Variants in BTN2A1 observed in about 807,000 individuals in gnomAD.
The protein encoded by BTN2A1 is butyrophilin, subfamily 2, member A1.
BTN2A1 carries 41 observed loss-of-function variants against 34.5 expected under a neutral mutation model. That is an observed-to-expected ratio of 1.19 (90% CI 0.93 to 1.54). BTN2A1 has a LOEUF of 1.54. Among genes scored for constraint, BTN2A1 ranks in the 40% most tolerant of loss-of-function variants. BTN2A1 has a pLI of 0.00. For missense variants in BTN2A1, 642 were observed against 662.0 expected, an observed-to-expected ratio of 0.97 and a Z score of 0.33; for synonymous variants, 267 against 258.6, an observed-to-expected ratio of 1.03 and a Z score of -0.31.
At chr6:26,476,103 G>A in intron 7 of BTN2A1, 1 of 1,534,054 alleles carries the variant, frequency 6.5e-7, no homozygotes, top group Non-Finnish European at 8.7e-7. Context: ...CTTCTCCTAT[G>A]TCTCCTTTTG....
chr6:26,458,461 C>T (rs1270692031), intron 1 of BTN2A1, 146 bp from the exon 2 acceptor site: 1 of 661,656 alleles, frequency 1.5e-6, no homozygotes, highest in African/African-American at 1.8e-5. Context: ...AGGAATCCCT[C>T]TCTCGGGACA....
At chr6:26,470,768 G>C (rs534478833), downstream of BTN2A1, among the ~76,000 whole-genome samples, 1 of 152,190 alleles carries the variant, frequency 6.6e-6, no homozygotes, top group Non-Finnish European at 1.5e-5. Context: ...TATACCAGTG[G>C]CCCTGAGGTT....
chr6:26,460,230 TC>T (rs1763130359), intron 3 of BTN2A1, among the ~76,000 whole-genome samples: 2 of 152,186 alleles, frequency 1.3e-5, no homozygotes, highest in South Asian at 4.2e-4. Flanking sequence ...AACCTCTGCC[TC>T]CCAGGTTGCA....
downstream of BTN2A1, among the ~76,000 whole-genome samples, chr6:26,470,360 G>A (rs1441203504): frequency 6.6e-6 from 1 of 151,820 alleles, no homozygotes; most frequent in East Asian, 1.9e-4. Context: ...ACAAAGAGGG[G>A]GAGGGAACTT....
At chr6:26,462,813 G>A (rs1486273110) in intron 3 of BTN2A1, 28 of 1,286,212 alleles carry the variant, frequency 2.2e-5, no homozygotes, top group Non-Finnish European at 2.7e-5. Context: ...TGGAAGCTGA[G>A]GTCTACTGAG....
Position 26,465,303 on chromosome 6 carries a change from G to C in BTN2A1, c.831G>C (p.Lys277Asn). The change falls in exon 5 of 8, where the codon AAG (lysine) becomes AAC (asparagine). Residue 277 changes from lysine (K) to asparagine (N), a missense_variant. Physicochemically the swap from Lys to Asn is moderately conservative, Grantham distance 94 (BLOSUM62 0). Coordinates refer to ENST00000312541, the MANE Select transcript of BTN2A1 (RefSeq NM_007049.5). ...TCAACAAACTCCAAAAGGAAAAAAA[G>C]ATTCTGTCAGGGGAAAAGGAGTTTG... ...YWINKLQKEK[K>N]ILSGEKEFER... is the part of the protein sequence containing the mutation. 6.2e-7 allele frequency: 1 copy of C among 1,614,174 alleles called. No homozygotes were observed. The highest frequency in any genetic ancestry group is 8.5e-7 in the Non-Finnish European group (1 of 1,180,026).
downstream of BTN2A1, among the ~76,000 whole-genome samples, chr6:26,471,757 G>A (rs1763456462): frequency 6.6e-6 from 1 of 152,234 alleles, no homozygotes; most frequent in Non-Finnish European, 1.5e-5. Flanking sequence ...AGCAAGACGG[G>A]AGTGGTACAG....
downstream of BTN2A1, among the ~76,000 whole-genome samples, chr6:26,474,299 ACT>A (rs1439621903): frequency 1.2e-4 from 18 of 152,076 alleles, no homozygotes; most frequent in African/African-American, 4.1e-4. Context: ...AATAAGGCCA[ACT>A]CTGAGCTGTA....
At chr6:26,476,081 A>G in intron 7 of BTN2A1, 3 of 1,500,424 alleles carry the variant, frequency 2.0e-6, no homozygotes, top group South Asian at 1.2e-5. Context: ...TATGCAACCC[A>G]TGAACGCCTC....
chr6:26,465,137 C>G, intron 4 of BTN2A1, 48 bp from the exon 5 acceptor site: 1 of 1,540,570 alleles, frequency 6.5e-7, no homozygotes, highest in Non-Finnish European at 9.0e-7. Flanking sequence ...ACTCTTACCC[C>G]AGATGTTCTG....
At chr6:26,476,349 T>C (rs1020807267) in exon 8 of BTN2A1, 7 of 757,868 alleles carry the variant, frequency 9.2e-6, no homozygotes, top group Non-Finnish European at 1.7e-5. Flanking sequence ...CTCACACCAG[T>C]ATCTTGCTGC....
chr6:26,462,714 G>A (rs148925417), intron 3 of BTN2A1: 18,076 of 947,726 alleles, frequency 0.019, 237 homozygotes, highest in Non-Finnish European at 0.023. Flanking sequence ...GAACTAGACA[G>A]AAGGGTCAAT....
chr6:26,465,311 CAG>C lies in BTN2A1; in HGVS notation c.840_841del (p.Glu282LysfsTer4). The C allele has an allele frequency of 1.9e-6, 3 of 1,614,026 alleles. No individual in the cohort carries two copies. The highest frequency in any genetic ancestry group is 2.5e-6 in the Non-Finnish European group (3 of 1,180,012). On this transcript the variant is annotated frameshift_variant, in exon 5 of 8. Transcript: ENST00000312541. LOFTEE classifies it high-confidence loss of function. ...CTCCAAAAGGAAAAAAAGATTCTGT[CAG>C]GGGAAAAGGAGTTTGAACGGGAAAC...
chr6:26,475,104 A>G (rs115062726), intron 7 of BTN2A1, among the ~76,000 whole-genome samples: 1,567 of 152,320 alleles, frequency 0.01, 25 homozygotes, highest in African/African-American at 0.036. Context: ...GGTTATGTTT[A>G]GGAACATATT....
intron 3 of BTN2A1, among the ~76,000 whole-genome samples, chr6:26,460,984 G>C (rs915231180): frequency 5.9e-5 from 9 of 152,174 alleles, no homozygotes; most frequent in African/African-American, 1.9e-4. Flanking sequence ...ATCTGTGGTG[G>C]CATTTCACTC....
Position 26,459,538 on chromosome 6 carries a change from C to G in BTN2A1, c.140C>G (p.Thr47Ser). 6.2e-7 allele frequency: 1 copy of G among 1,613,982 alleles called. No individual in the cohort carries two copies. The highest frequency in any genetic ancestry group is 8.5e-7 in the Non-Finnish European group (1 of 1,179,920). ...ATCTTGGCCACGGTTGGAGAAAACA[C>G]TACGTTACGCTGCCATCTGTCACCC... is the stretch of plus-strand genomic sequence containing the variant. ...DPILATVGEN[T>S]TLRCHLSPEK... The change falls in exon 3 of 8, where the codon ACT becomes AGT. Residue 47 changes from threonine to serine, a missense_variant. Transcript: ENST00000312541.
chr6:26,470,343 G>A (rs1039204628), downstream of BTN2A1, among the ~76,000 whole-genome samples: 8 of 152,046 alleles, frequency 5.3e-5, no homozygotes, highest in African/African-American at 9.7e-5. Context: ...TGAAACTCCC[G>A]TCTCAAACAA....
At chr6:26,465,486 C>T (rs1410142865) in intron 5 of BTN2A1, 80 bp downstream of exon 5, 1 of 1,381,080 alleles carries the variant, frequency 7.2e-7, no homozygotes, top group African/African-American at 1.5e-5. Flanking sequence ...CACTTGAGCC[C>T]TGGAGTTCGA....
At chr6:26,476,166 T>G (rs1353966942) in exon 8 of BTN2A1, 3 of 1,536,556 alleles carry the variant, frequency 2.0e-6, no homozygotes, top group Non-Finnish European at 2.6e-6. Flanking sequence ...CTTAGGGTGG[T>G]GAGTGGGTGC....
Sources: allele counts gnomAD v4.1 joint callset (sites outside exome capture counted in the v4.1 genomes callset), GRCh38; gene constraint gnomAD v4.1.1; transcripts MANE v1.5; gene names NCBI Gene and HGNC (gene_info 2026-07-23, HGNC 2026-07-21).